Variants in ITGB3 observed in about 807,000 individuals in gnomAD.
ITGB3 encodes the protein integrin beta-3.
ITGB3 carries 48 observed loss-of-function variants against 85.8 expected under a neutral mutation model. That is an observed-to-expected ratio of 0.56 (90% CI 0.44 to 0.71). ITGB3 has a LOEUF of 0.71. ITGB3 is among the 30% of genes least tolerant of loss of function. The pLI is 0.00. For synonymous variants in ITGB3, 363 were observed against 395.6 expected, an observed-to-expected ratio of 0.92 and a Z score of 0.98; for missense variants, 861 against 1,019.1, an observed-to-expected ratio of 0.84 and a Z score of 2.11.
At chr17:47,287,003 CT>C in intron 5 of ITGB3, 66 bp from the exon 6 acceptor site, 1 of 1,550,680 alleles carries the variant, frequency 6.4e-7, no homozygotes, top group Middle Eastern at 1.8e-4. Flanking sequence ...GGTCTCTGTT[CT>C]CTACCAGTGA....
At chr17:47,301,465 G>A (rs900923520) in intron 12 of ITGB3, among the ~76,000 whole-genome samples, 52 of 152,274 alleles carry the variant, frequency 3.4e-4, no homozygotes, top group African/African-American at 1.2e-3. Context: ...TGAGGTTAGC[G>A]ATTTGGGGAT....
chr17:47,307,443 C>T (rs777243445), intron 13 of ITGB3, 28 bp from the exon 14 acceptor site: 7 of 1,613,174 alleles, frequency 4.3e-6, no homozygotes, highest in South Asian at 1.1e-5. Flanking sequence ...CATTCACAAC[C>T]GCCCTGCTCT....
Position 47,299,201 on chromosome 17 carries a change from G to A in ITGB3, c.1691-107G>A, listed in dbSNP as rs2065156632. The A allele has an allele frequency of 3.6e-6, 4 of 1,107,274 alleles. No homozygotes were observed. The Admixed American group carries it at 7.3e-5, about 20-fold the overall frequency. The allele number at this position is 1,107,274 out of a possible 1,614,324, so 68.6% of individuals were successfully genotyped here. A position where few individuals can be genotyped will look rare whatever the true frequency, so the allele number is the denominator to read the frequency against. On this transcript the variant is annotated intron_variant, in intron 10 of 14. Transcript: ENST00000559488. The surrounding 1 kb of genome is among the most constrained non-coding windows in gnomAD (Gnocchi z 5.1). ...GAGCCAATTCCCTGCCAACCTGGAG[G>A]ATCATTATCTGTGTGGTTGGGAGAG... is the stretch of plus-strand genomic sequence containing the variant.
At chr17:47,308,707 G>A (rs1397741496) in intron 14 of ITGB3, among the ~76,000 whole-genome samples, 1 of 152,058 alleles carries the variant, frequency 6.6e-6, no homozygotes, top group African/African-American at 2.4e-5. Context: ...TCACCATGTT[G>A]GCCAGGCTGG....
Position 47,287,059 on chromosome 17 carries a change from T to G in ITGB3, c.778-11T>G. ...TCTCCTCTGCCTTTGTTTTTTGTTT[T>G]CTTTTAACAGGAAAAGATTGGCTGG... On this transcript the variant is annotated splice_polypyrimidine_tract_variant and intron_variant, in intron 5 of 14. Transcript: ENST00000559488. 1 of 1,613,610 alleles carries G rather than the reference T, an allele frequency of 6.2e-7. No individual in the cohort carries two copies.
Position 47,292,234 on chromosome 17 carries a change from C to T in ITGB3, c.1356C>T (p.Ile452=), listed in dbSNP as rs868493250. ...IKPVGFKDSL[I]VQVTFDCDCA... is the part of the protein sequence containing the mutation. Reference sequence around the variant, plus strand: ...CCGTGGGCTTCAAGGACAGCCTGATCGTCCAGGTCACCTTTGATTGTGACT... The same window carrying T: ...CCGTGGGCTTCAAGGACAGCCTGATTGTCCAGGTCACCTTTGATTGTGACT... The change falls in exon 10 of 15, where the codon ATC becomes ATT. Residue 452 remains isoleucine, a synonymous_variant. Coordinates refer to ENST00000559488, the MANE Select transcript of ITGB3 (RefSeq NM_000212.3). 10 of 1,614,066 alleles carry T rather than the reference C, an allele frequency of 6.2e-6. No homozygotes were observed. The highest frequency in any genetic ancestry group is 2.2e-5 in the South Asian group (2 of 91,080).
At position 47,284,453 on chromosome 17, in the gene ITGB3, G is replaced by T. The variant is rs1161433167; in HGVS notation, c.372G>T (p.Lys124Asn). 3.1e-6 allele frequency: 5 copies of T among 1,614,128 alleles called. No homozygotes were observed. The East Asian group carries it at 8.9e-5, about 29-fold the overall frequency. ...IALRLRPDDSKNFSIQVRQVE... is the reference protein window; with the variant it reads ...IALRLRPDDSNNFSIQVRQVE... ...CTTTCTGCCTTCCAGATGATTCGAA[G>T]AATTTCTCCATCCAAGTGCGGCAGG... Residue 124 changes from lysine (K) to asparagine (N), a missense_variant, in exon 4 of 15, where the codon AAG becomes AAT. Physicochemically the swap from Lys to Asn is moderately conservative, Grantham distance 94 (BLOSUM62 0). Transcript: ENST00000559488.
intron 1 of ITGB3, among the ~76,000 whole-genome samples, chr17:47,255,650 GA>G (rs1175356316): frequency 3.3e-5 from 5 of 151,372 alleles, no homozygotes; most frequent in African/African-American, 4.9e-5. Context: ...TCGATCTCTT[GA>G]CCCCGTGATC....
chr17:47,283,458 A>G lies in ITGB3; in HGVS notation c.270A>G (p.Leu90=), dbSNP rs540163351. 3.1e-6 allele frequency: 5 copies of G among 1,614,214 alleles called. No homozygotes were observed. In the South Asian group the frequency reaches 5.5e-5, roughly 18 times the overall value. The part of the protein sequence containing the change: ...IEFPVSEARV[L]EDRPLSDKGS... Reference sequence around the variant, plus strand: ...TCCCAGTGAGTGAGGCCCGAGTACTAGAGGACAGGCCCCTCAGCGACAAGG... The same window carrying G: ...TCCCAGTGAGTGAGGCCCGAGTACTGGAGGACAGGCCCCTCAGCGACAAGG... The change falls in exon 3 of 15, where the codon CTA becomes CTG. Residue 90 remains leucine, a synonymous_variant. Transcript: ENST00000559488.
chr17:47,301,937 T>C (rs1029231421), intron 12 of ITGB3, among the ~76,000 whole-genome samples: 5 of 152,126 alleles, frequency 3.3e-5, no homozygotes, highest in African/African-American at 1.2e-4. Context: ...GTTGTTGAGT[T>C]CAAGTCTGCA....
In ITGB3 at chr17:47,291,641, G is replaced by T. The variant is rs562015894; in HGVS notation, c.1261-498G>T. On this transcript the variant is annotated intron_variant, in intron 9 of 14. Transcript: ENST00000559488. ...TGACCTATCTGTCTCTCAGGCACTT[G>T]TGCAAACATCCCATGTTAGAAATAT... Among the ~76,000 whole-genome samples, 135 of 152,290 alleles carry T rather than the reference G, an allele frequency of 8.9e-4. 3 individuals are homozygous for T. In the South Asian group the frequency reaches 0.015, roughly 17 times the overall value.
intron 2 of ITGB3, among the ~76,000 whole-genome samples, chr17:47,277,888 T>C (rs1022324524): frequency 6.6e-6 from 1 of 152,254 alleles, no homozygotes; most frequent in African/African-American, 2.4e-5. Context: ...GGCCATGATT[T>C]ACATTTCTTT....
intron 14 of ITGB3, among the ~76,000 whole-genome samples, chr17:47,309,342 C>T (rs2065203871): frequency 1.3e-5 from 2 of 152,096 alleles, no homozygotes; most frequent in African/African-American, 4.8e-5. Flanking sequence ...CATAAACCAC[C>T]ATGCCTGGCC....
intron 1 of ITGB3, 27 bp downstream of exon 1, chr17:47,253,967 T>G: frequency 2.2e-6 from 3 of 1,354,144 alleles, no homozygotes; most frequent in Non-Finnish European, 1.9e-6. Flanking sequence ...CTCGGCAGCG[T>G]CGCAGCTGCC....
intron 10 of ITGB3, among the ~76,000 whole-genome samples, chr17:47,293,727 C>T (rs1485509902): frequency 6.6e-6 from 1 of 152,136 alleles, no homozygotes; most frequent in Non-Finnish European, 1.5e-5. Flanking sequence ...CCTGCCTCAG[C>T]CTCCCGAGTA....
At chr17:47,294,058 G>T (rs935495468) in intron 10 of ITGB3, among the ~76,000 whole-genome samples, 1 of 152,100 alleles carries the variant, frequency 6.6e-6, no homozygotes, top group East Asian at 1.9e-4. Flanking sequence ...TATTATCTAC[G>T]ACATTGTTTC....
chr17:47,282,968 G>A (rs1161166084), intron 2 of ITGB3, among the ~76,000 whole-genome samples: 1 of 152,170 alleles, frequency 6.6e-6, no homozygotes, highest in Admixed American at 6.5e-5. Flanking sequence ...GTATTCCACA[G>A]TTAAAAAATG....
chr17:47,297,303 A>C (rs2065149307), intron 10 of ITGB3, among the ~76,000 whole-genome samples: 1 of 152,180 alleles, frequency 6.6e-6, no homozygotes, highest in Non-Finnish European at 1.5e-5. Flanking sequence ...AAAGTTACTT[A>C]ACCTCTCTGA....
At chr17:47,272,200 G>C (rs1398747579) in intron 1 of ITGB3, among the ~76,000 whole-genome samples, 2 of 151,252 alleles carry the variant, frequency 1.3e-5, no homozygotes, top group African/African-American at 4.9e-5. Context: ...GGACCACAGG[G>C]GCCTGCCACC....
Sources: allele counts gnomAD v4.1 joint callset (sites outside exome capture counted in the v4.1 genomes callset), GRCh38; gene constraint gnomAD v4.1.1; non-coding constraint Gnocchi (gnomAD v3.1); transcripts MANE v1.5; gene names NCBI Gene and HGNC (gene_info 2026-07-23, HGNC 2026-07-21).